The following FLYWCH1 variants were observed in gnomAD, a reference collection of about 807,000 sequenced individuals.
FLYWCH1 encodes the protein FLYWCH-type zinc finger-containing protein 1.
Under a neutral mutation model 66.4 loss-of-function variants are expected in FLYWCH1, and 75 were observed. The observed-to-expected ratio is 1.13, with a 90% CI of 0.94 to 1.37. The LOEUF is 1.37. Ranked by LOEUF, FLYWCH1 falls within the 40% of genes most tolerant of loss-of-function variation. The probability of loss-of-function intolerance (pLI) is 0.00; values close to 1 mark genes in which losing one functional copy is unlikely to be tolerated. For synonymous variants in FLYWCH1, 595 were observed against 429.9 expected (o/e 1.38, Z -4.75); for missense variants, 1,334 against 1,001.8 (o/e 1.33, Z -4.48).
intron 8 of FLYWCH1, among the ~76,000 whole-genome samples, chr16:2,938,766 C>T (rs2071135539): frequency 6.6e-6 from 1 of 150,882 alleles, no homozygotes; most frequent in African/African-American, 2.4e-5. Flanking sequence ...GTGCCTGCCA[C>T]CAAGCCCAGC....
intron 9 of FLYWCH1, among the ~76,000 whole-genome samples, chr16:2,946,467 G>C (rs972272734): frequency 6.6e-6 from 1 of 151,586 alleles, no homozygotes; most frequent in Non-Finnish European, 1.5e-5. Context: ...GATTACAGGC[G>C]TGTGTCACCA....
Position 2,937,387 on chromosome 16 carries a change from G to C in FLYWCH1, c.1777+3G>C, listed in dbSNP as rs373666563. ...CCTGGCGCAGTGGGACAGCCCAGGT[G>C]CGTGTGGAGGGTGCTGGGCTGGGTC... is the stretch of plus-strand genomic sequence containing the variant. On this transcript the variant is annotated splice_donor_region_variant and intron_variant, in intron 7 of 9. Transcript: ENST00000253928. 8.6e-5 allele frequency: 133 copies of C among 1,545,568 alleles called. No individual in the cohort carries two copies. In the South Asian group the frequency reaches 1.4e-3, roughly 16 times the overall value.
intron 9 of FLYWCH1, among the ~76,000 whole-genome samples, chr16:2,946,717 G>C (rs1016189530): frequency 6.6e-6 from 1 of 152,122 alleles, no homozygotes; most frequent in Non-Finnish European, 1.5e-5. Flanking sequence ...TTTCTGCCAT[G>C]AATTCAAAGA....
intron 4 of FLYWCH1, among the ~76,000 whole-genome samples, chr16:2,932,010 C>T (rs538212678): frequency 4.3e-4 from 65 of 150,788 alleles, no homozygotes; most frequent in African/African-American, 1.3e-3. Context: ...CCCAGCTACT[C>T]GGGAGGCTGA....
At chr16:2,942,063 A>G (rs2071289814) in intron 9 of FLYWCH1, among the ~76,000 whole-genome samples, 3 of 151,968 alleles carry the variant, frequency 2.0e-5, no homozygotes, top group Admixed American at 2.0e-4. Context: ...AATGAAACCA[A>G]AAGTTGGTTC....
rs960481977 is a variant in FLYWCH1 at position 2,950,833 on chromosome 16, T to C, written c.*2106T>C. On this transcript the variant is annotated 3_prime_UTR_variant, in exon 10 of 10. Coordinates refer to ENST00000253928, the MANE Select transcript of FLYWCH1 (RefSeq NM_001308068.2). ...ATTCTCCAATGGACGTGAATTTAGA[T>C]GATGCTGTTGCCTTGGGTGGCTTCA... 4.6e-5 allele frequency: 7 copies of C among 152,428 alleles called. No homozygotes were observed. Among genetic ancestry groups the C allele is most frequent in the Non-Finnish European group, 1.0e-4 (7 of 68,058 alleles). 9.4% of individuals were successfully genotyped at this position (152,428 alleles called of 1,614,324 possible).
chr16:2,937,084 T>C (rs981452150), intron 6 of FLYWCH1, 37 bp from the exon 7 acceptor site: 1 of 1,562,480 alleles, frequency 6.4e-7, no homozygotes, highest in Admixed American at 1.9e-5. Flanking sequence ...CTCTGAGAGC[T>C]GGTGTCCGCT....
rs747935316 is a variant in FLYWCH1, at chr16:2,933,874, C to T, written c.1408C>T (p.Arg470Trp). ...CRSRAITQGR[R>W]VTVMRGHCHP... ...CAGCCGCGCCATCACCCAGGGCCGA[C>T]GGGTGACTGTCATGCGTGGTCACTG... Residue 470 changes from arginine to tryptophan, a missense_variant, in exon 6 of 10, where the codon CGG becomes TGG. Coordinates refer to ENST00000253928, the MANE Select transcript of FLYWCH1 (RefSeq NM_001308068.2). The T allele has an allele frequency of 1.8e-5, 29 of 1,599,018 alleles. No homozygotes were observed. The highest frequency in any genetic ancestry group is 1.1e-4 in the South Asian group (10 of 88,998).
intron 2 of FLYWCH1, among the ~76,000 whole-genome samples, chr16:2,924,093 G>A (rs1170255001): frequency 6.6e-6 from 1 of 152,110 alleles, no homozygotes; most frequent in Non-Finnish European, 1.5e-5. Flanking sequence ...TACTTTGGGA[G>A]GCCGAGGCAG....
At chr16:2,927,745 A>C (rs111910750) in intron 2 of FLYWCH1, among the ~76,000 whole-genome samples, 1,705 of 152,348 alleles carry the variant, frequency 0.011, 15 homozygotes, top group South Asian at 0.019. Flanking sequence ...CAGGTGAAGG[A>C]GGCCTGCCGC....
intron 6 of FLYWCH1, chr16:2,936,865 A>C (rs898280541): frequency 1.6e-5 from 10 of 636,472 alleles, no homozygotes; most frequent in Non-Finnish European, 2.6e-5. Flanking sequence ...TGCCTCCCTG[A>C]AGGCATGGCA....
At chr16:2,917,417 C>A (rs1402785522) in intron 2 of FLYWCH1, among the ~76,000 whole-genome samples, 1 of 151,074 alleles carries the variant, frequency 6.6e-6, no homozygotes, top group East Asian at 2.0e-4. Flanking sequence ...TTAGTAGAGA[C>A]GGGGTTTTGC....
chr16:2,929,719 G>A lies in FLYWCH1; in HGVS notation c.34G>A (p.Glu12Lys), dbSNP rs374582184. The A allele has an allele frequency of 7.4e-6, 12 of 1,613,242 alleles. No individual in the cohort carries two copies. The highest frequency in any genetic ancestry group is 1.3e-5 in the African/African-American group (1 of 74,916). ...PLPEPSEQEGESVKAGQEPSP... is the reference protein window; with the variant it reads ...PLPEPSEQEGKSVKAGQEPSP... ...GCCCGAGCCCAGCGAGCAGGAGGGCGAGAGTGTGAAGGCCGGCCAGGAGCC... is the reference window on the plus strand; with the variant it reads ...GCCCGAGCCCAGCGAGCAGGAGGGCAAGAGTGTGAAGGCCGGCCAGGAGCC... The change falls in exon 3 of 10, where the codon GAG becomes AAG. Residue 12 changes from glutamate to lysine, a missense_variant. Physicochemically the swap from Glu to Lys is moderately conservative, Grantham distance 56. Coordinates refer to ENST00000253928, the MANE Select transcript of FLYWCH1 (RefSeq NM_001308068.2).
At chr16:2,923,435 C>A (rs556021827) in intron 2 of FLYWCH1, among the ~76,000 whole-genome samples, 1 of 151,980 alleles carries the variant, frequency 6.6e-6, no homozygotes, top group South Asian at 2.1e-4. Flanking sequence ...TTAGTAGAGA[C>A]GGGCTTGCCT....
intron 9 of FLYWCH1, among the ~76,000 whole-genome samples, chr16:2,942,346 C>A (rs1009018683): frequency 7.9e-5 from 12 of 151,992 alleles, no homozygotes; most frequent in African/African-American, 2.9e-4. Flanking sequence ...CGGGGTTTTC[C>A]CATGTTGTCC....
chr16:2,915,972 G>A (rs1039553522), intron 2 of FLYWCH1, among the ~76,000 whole-genome samples: 1 of 152,178 alleles, frequency 6.6e-6, no homozygotes, highest in Non-Finnish European at 1.5e-5. Context: ...ATGTAGTGCA[G>A]CAATAGTACT....
intron 4 of FLYWCH1, among the ~76,000 whole-genome samples, chr16:2,931,305 TAAAAAAAAAAA>T (rs150704073): frequency 6.9e-5 from 6 of 87,468 alleles, no homozygotes; most frequent in African/African-American, 2.4e-4. Flanking sequence ...TCCATCTCAG[TAAAAAAAAAAA>T]AAAAAAAAAA....
intron 9 of FLYWCH1, among the ~76,000 whole-genome samples, chr16:2,948,430 G>A (rs1402224287): frequency 6.6e-6 from 1 of 151,974 alleles, no homozygotes; most frequent in Non-Finnish European, 1.5e-5. Context: ...GAGCATGATG[G>A]CATGCACCTG....
intron 9 of FLYWCH1, among the ~76,000 whole-genome samples, chr16:2,940,907 G>C (rs1408439762): frequency 3.3e-5 from 5 of 150,138 alleles, no homozygotes; most frequent in Non-Finnish European, 7.4e-5. Context: ...AAGGCAGGCA[G>C]ATCATTTGAG....
Sources: allele counts gnomAD v4.1 joint callset (sites outside exome capture counted in the v4.1 genomes callset), GRCh38; gene constraint gnomAD v4.1.1; transcripts MANE v1.5; gene names NCBI Gene and HGNC (gene_info 2026-07-23, HGNC 2026-07-21).